RPGR: variants seen among roughly 807,000 people sequenced by gnomAD.
RPGR encodes the protein retinitis pigmentosa GTPase regulator, also known as X-linked retinitis pigmentosa GTPase regulator.
Under a neutral mutation model 56.3 loss-of-function variants are expected in RPGR, and 10 were observed. That is an observed-to-expected ratio of 0.18 (90% CI 0.11 to 0.30). The LOEUF is 0.30. Among genes scored for constraint, RPGR ranks in the 10% least tolerant of loss-of-function variants. The probability of loss-of-function intolerance (pLI) is 1.00; values close to 1 mark genes in which losing one functional copy is unlikely to be tolerated. For missense variants in RPGR, 538 were observed against 590.9 expected, an observed-to-expected ratio of 0.91 and a Z score of 0.93; for synonymous variants, 197 against 212.9, an observed-to-expected ratio of 0.93 and a Z score of 0.65.
At chrX:38,325,715 T>C (rs898705030) in intron 1 of RPGR, 4 of 111,846 alleles carry the variant, frequency 3.6e-5, no homozygotes, top group African/African-American at 1.3e-4. Context: ...TCCTAGGAGA[T>C]TGGGAGAGGA....
chrX:38,297,970 A>G (rs941403119), intron 10 of RPGR, among the ~76,000 whole-genome samples: 4 of 112,072 alleles, frequency 3.6e-5, no homozygotes, highest in African/African-American at 1.3e-4. Flanking sequence ...ACTTTAAAAA[A>G]CAGGTATGTC....
chrX:38,288,586 T>C (rs75314652), intron 13 of RPGR, among the ~76,000 whole-genome samples: 7,019 of 110,224 alleles, frequency 0.064, 296 homozygotes, highest in South Asian at 0.14. Context: ...ATGCCTGTAA[T>C]CCCAGCTACT....
intron 9 of RPGR, among the ~76,000 whole-genome samples, chrX:38,299,511 A>T (rs1373688499): frequency 9.0e-6 from 1 of 111,287 alleles, no homozygotes; most frequent in Admixed American, 9.6e-5. Flanking sequence ...GTGAAAAATT[A>T]CTCAGAGAAG....
At chrX:38,288,141 A>T (rs1164182747) in intron 13 of RPGR, 100 bp from the exon 14 acceptor site, 1 of 766,399 alleles carries the variant, frequency 1.3e-6, no homozygotes, top group Non-Finnish European at 1.9e-6. Flanking sequence ...CATTTTTATA[A>T]GTTTAGGAGA....
chrX:38,297,574 A>T (rs930628019), intron 10 of RPGR, 122 bp from the exon 11 acceptor site: 135 of 565,090 alleles, frequency 2.4e-4, no homozygotes, highest in Non-Finnish European at 3.6e-4. Flanking sequence ...ACACTCCACA[A>T]CATTTACTTC....
intron 15 of RPGR, among the ~76,000 whole-genome samples, chrX:38,283,275 G>A (rs1369757545): frequency 8.9e-6 from 1 of 111,758 alleles, no homozygotes; most frequent in African/African-American, 3.3e-5. Context: ...AGTAGTTTAG[G>A]ATAACTGTTT....
chrX:38,278,980 C>T (rs529380229), intron 15 of RPGR, among the ~76,000 whole-genome samples: 22 of 112,615 alleles, frequency 2.0e-4, no homozygotes, highest in African/African-American at 7.1e-4. Flanking sequence ...TACAATTTTA[C>T]TCATTAACTT....
chrX:38,287,683 T>C, intron 14 of RPGR, 178 bp downstream of exon 14: 1 of 534,955 alleles, frequency 1.9e-6, no homozygotes, highest in Non-Finnish European at 3.3e-6. Context: ...AGTTTCCTTC[T>C]CACTGTCTAT....
intron 1 of RPGR, among the ~76,000 whole-genome samples, chrX:38,324,134 A>C (rs1253873166): frequency 3.6e-5 from 4 of 111,856 alleles, no homozygotes; most frequent in African/African-American, 1.3e-4. Context: ...CCCAGCTTGA[A>C]GCGCAGTGGC....
chrX:38,279,706 C>T, intron 15 of RPGR, among the ~76,000 whole-genome samples: 1 of 85,525 alleles, frequency 1.2e-5, no homozygotes, highest in South Asian at 4.0e-4. Context: ...ATGAGATAGG[C>T]ACTTTTGTCC....
chrX:38,307,977 T>C (rs2067635321), intron 7 of RPGR: 1 of 112,171 alleles, frequency 8.9e-6, no homozygotes, highest in Non-Finnish European at 1.9e-5. Flanking sequence ...CATCTATTGG[T>C]TCTCATAATT....
At chrX:38,303,127 A>C (rs979496257) in intron 8 of RPGR, among the ~76,000 whole-genome samples, 6 of 110,516 alleles carry the variant, frequency 5.4e-5, no homozygotes, top group African/African-American at 2.0e-4. Flanking sequence ...TGATTTCTTT[A>C]CCCAAATGTT....
At chrX:38,324,195 C>T (rs899900729) in intron 1 of RPGR, among the ~76,000 whole-genome samples, 2 of 111,781 alleles carry the variant, frequency 1.8e-5, no homozygotes, top group African/African-American at 6.5e-5. Context: ...GCAATCCTCC[C>T]GCCTCAGCCT....
intron 6 of RPGR, among the ~76,000 whole-genome samples, chrX:38,312,718 T>C (rs1297101424): frequency 1.8e-5 from 2 of 111,482 alleles, no homozygotes; most frequent in Non-Finnish European, 3.8e-5. Flanking sequence ...CCGAGGCTGG[T>C]GGATGGCTTG....
At chrX:38,290,385 T>C (rs1352632819) in intron 13 of RPGR, among the ~76,000 whole-genome samples, 2 of 111,661 alleles carry the variant, frequency 1.8e-5, no homozygotes, top group Non-Finnish European at 3.8e-5. Context: ...CTTTTGCAAT[T>C]TGTTATTCAT....
intron 12 of RPGR, 148 bp downstream of exon 12, chrX:38,291,245 T>C: frequency 2.6e-6 from 1 of 391,182 alleles, no homozygotes; most frequent in Admixed American, 4.8e-5. Context: ...ATGTGAATTA[T>C]ACCTCAATAT....
chrX:38,291,407 C>T lies in RPGR; in HGVS notation c.1492G>A (p.Asp498Asn). ...GAAATCATTACCATGTTTAAGATAT[C>T]AGTAGTTTCTCCAAGGCTTTCTACA... The change falls in exon 12 of 19, where the codon GAT becomes AAT. Residue 498 changes from aspartate to asparagine, a missense_variant. Transcript: ENST00000642395. 4.4e-6 allele frequency: 5 copies of T among 1,128,109 alleles called. No individual in the cohort carries two copies. Among genetic ancestry groups the T allele is most frequent in the Non-Finnish European group, 6.1e-6 (5 of 821,953 alleles). The allele number at this position is 1,128,109 out of a possible 1,213,427, so 93.0% of individuals were successfully genotyped here.
At position 38,310,789 on chromosome X, in the gene RPGR, T is replaced by C. The variant is rs1235442896; in HGVS notation, c.620-16A>G. The C allele has an allele frequency of 2.5e-6, 3 of 1,204,542 alleles. No homozygotes were observed. Among genetic ancestry groups the C allele is most frequent in the Admixed American group, 2.2e-5 (1 of 45,742 alleles). On this transcript the variant is annotated splice_polypyrimidine_tract_variant and intron_variant, in intron 6 of 18. Coordinates refer to ENST00000642395, the MANE Select transcript of RPGR (RefSeq NM_000328.3). ...TCACCATCTGCTATTGAAGGAAAAG[T>C]ATAGTGATTAGTGATGACATACATA... is the stretch of plus-strand genomic sequence containing the variant.
intron 17 of RPGR, among the ~76,000 whole-genome samples, chrX:38,274,714 C>G (rs2066900662): frequency 8.9e-6 from 1 of 111,757 alleles, no homozygotes; most frequent in Non-Finnish European, 1.9e-5. Flanking sequence ...ACTCGGGAGG[C>G]TGAGGCAGGA....
Sources: allele counts gnomAD v4.1 joint callset (sites outside exome capture counted in the v4.1 genomes callset), GRCh38; gene constraint gnomAD v4.1.1; transcripts MANE v1.5; gene names NCBI Gene and HGNC (gene_info 2026-07-23, HGNC 2026-07-21).